Variants in KCNQ1 observed in about 807,000 individuals in gnomAD.
KCNQ1 encodes the protein potassium voltage-gated channel subfamily Q member 1, also known as potassium voltage-gated channel subfamily KQT member 1.
Under a neutral mutation model 72.4 loss-of-function variants are expected in KCNQ1, and 49 were observed. The observed-to-expected ratio is 0.68, with a 90% CI of 0.54 to 0.86. The LOEUF (loss-of-function observed/expected upper bound fraction) is 0.86, where lower values mean the gene tolerates loss of function less well. Among genes scored for constraint, KCNQ1 ranks in the 40% least tolerant of loss-of-function variants. The pLI, the probability that KCNQ1 is intolerant of heterozygous loss-of-function variation, is 0.00. For synonymous variants in KCNQ1, 450 were observed against 412.6 expected (o/e 1.09, Z -1.10); for missense variants, 790 against 945.1 (o/e 0.84, Z 2.15).
At chr11:2,578,753 C>T (rs74496485) in intron 6 of KCNQ1, among the ~76,000 whole-genome samples, 5,704 of 152,356 alleles carry the variant, frequency 0.037, 137 homozygotes, top group African/African-American at 0.041. Context: ...TGCCTCCTCA[C>T]GGGCAGGCTG....
chr11:2,834,717 G>C lies in KCNQ1; in HGVS notation c.1795-13050G>C, dbSNP rs114006595. Among the ~76,000 whole-genome samples, 845 of 152,332 alleles carry C rather than the reference G, an allele frequency of 5.5e-3. 9 individuals are homozygous for C. The highest frequency in any genetic ancestry group is 0.019 in the African/African-American group (803 of 41,580). The stretch of plus-strand genomic sequence containing the variant: ...CTTGGAAGGGTGTCCTTATGTCTGA[G>C]AGTTGGGGAGACACCCCCAAGCCCC... On this transcript the variant is annotated intron_variant, in intron 15 of 15. Transcript: ENST00000155840.
chr11:2,582,105 T>C (rs1158300594), intron 6 of KCNQ1, among the ~76,000 whole-genome samples: 1 of 152,220 alleles, frequency 6.6e-6, no homozygotes, highest in African/African-American at 2.4e-5. Context: ...TCACTGTTCG[T>C]TAACGTGCTC....
At chr11:2,583,316 G>C (rs988505184) in intron 6 of KCNQ1, 119 bp from the exon 7 acceptor site, 1 of 771,316 alleles carries the variant, frequency 1.3e-6, no homozygotes, top group Admixed American at 1.8e-5. Flanking sequence ...GGGTCGTCCT[G>C]GTGGTCAGGG....
chr11:2,453,073 A>G (rs185049827), intron 1 of KCNQ1, among the ~76,000 whole-genome samples: 16 of 152,370 alleles, frequency 1.1e-4, no homozygotes, highest in Admixed American at 5.9e-4. Flanking sequence ...GTTTGACCAC[A>G]TAAGAAAGAA....
At position 2,585,208 on chromosome 11, in the gene KCNQ1, C is replaced by T. The variant is rs543599445; in HGVS notation, c.1033-4C>T. On this transcript the variant is annotated splice_polypyrimidine_tract_variant and splice_region_variant and intron_variant, in intron 7 of 15. Transcript: ENST00000155840. Reference sequence around the variant, plus strand: ...ACGGGAGCCTCCTGTCCATTCCTTCCCAGGGGATTCTTGGCTCGGGGTTTG... The same window carrying T: ...ACGGGAGCCTCCTGTCCATTCCTTCTCAGGGGATTCTTGGCTCGGGGTTTG... 37 of 1,613,820 alleles carry T rather than the reference C, an allele frequency of 2.3e-5. No individual in the cohort carries two copies. Among genetic ancestry groups the T allele is most frequent in the Middle Eastern group, 1.7e-4 (1 of 6,060 alleles).
intron 8 of KCNQ1, among the ~76,000 whole-genome samples, chr11:2,586,745 G>A (rs758874832): frequency 3.3e-5 from 5 of 152,088 alleles, no homozygotes; most frequent in East Asian, 3.9e-4. Context: ...GGTGCCCCTC[G>A]CCAGCTGCTG....
chr11:2,527,837 G>T, intron 1 of KCNQ1, 91 bp from the exon 2 acceptor site: 1 of 1,062,994 alleles, frequency 9.4e-7, no homozygotes, highest in Non-Finnish European at 1.5e-6. Context: ...ACCTGGGGGC[G>T]GGGCTGAGGC....
rs2133750801 is a variant in KCNQ1 at position 2,583,488 on chromosome 11, G to A, written c.975G>A (p.Gly325=). 2.5e-6 allele frequency: 4 copies of A among 1,614,102 alleles called. No individual in the cohort carries two copies. Among genetic ancestry groups the A allele is most frequent in the Non-Finnish European group, 2.5e-6 (3 of 1,180,006 alleles). Residue 325 remains glycine (G), a synonymous_variant, in exon 7 of 16, where the codon GGG becomes GGA. Transcript: ENST00000155840. ...ACAAGGTGCCCCAGACGTGGGTCGGGAAGACCATCGCCTCCTGCTTCTCTG... is the reference window on the plus strand; with the variant it reads ...ACAAGGTGCCCCAGACGTGGGTCGGAAAGACCATCGCCTCCTGCTTCTCTG... ...YGDKVPQTWV[G]KTIASCFSVF...
At chr11:2,557,572 G>C (rs1848090919) in intron 2 of KCNQ1, among the ~76,000 whole-genome samples, 1 of 152,236 alleles carries the variant, frequency 6.6e-6, no homozygotes, top group Non-Finnish European at 1.5e-5. Flanking sequence ...GTCTGGCAGG[G>C]CTCAGTGGGA....
At chr11:2,702,423 C>G (rs940300148) in intron 11 of KCNQ1, among the ~76,000 whole-genome samples, 2 of 152,184 alleles carry the variant, frequency 1.3e-5, no homozygotes, top group Non-Finnish European at 2.9e-5. Flanking sequence ...AAATCAATTT[C>G]ACTTAAAATG....
At chr11:2,517,885 G>C (rs58672447) in intron 1 of KCNQ1, among the ~76,000 whole-genome samples, 1 of 152,212 alleles carries the variant, frequency 6.6e-6, no homozygotes, top group Non-Finnish European at 1.5e-5. Context: ...GCGGAACGCT[G>C]CCTCAGTACC....
chr11:2,630,149 T>C (rs1052799839), intron 10 of KCNQ1: 4 of 398,284 alleles, frequency 1.0e-5, no homozygotes, highest in African/African-American at 8.2e-5. Flanking sequence ...TTATGTGAAC[T>C]GCATTATTTG....
rs1176911959 is a variant in KCNQ1, at chr11:2,550,996, G to A, written c.478-19632G>A. On this transcript the variant is annotated intron_variant, in intron 2 of 15. Coordinates refer to ENST00000155840, the MANE Select transcript of KCNQ1 (RefSeq NM_000218.3). This position sits in a 1 kb window ranked among gnomAD's most constrained non-coding sequence, Gnocchi z 6.0. ...GGGGAGGCTGTGCTGAGCTCAGTGG[G>A]CTTGGTGGGGTCATAGCTGCCTCTC... 6.6e-6 allele frequency among the ~76,000 whole-genome samples: 1 copy of A among 152,136 alleles called. No individual in the cohort carries two copies. The highest frequency in any genetic ancestry group is 1.9e-4 in the East Asian group (1 of 5,198).
In KCNQ1 at chr11:2,515,546, C is replaced by G. The variant is rs1411929332; in HGVS notation, c.387-12382C>G. 6.6e-6 allele frequency among the ~76,000 whole-genome samples: 1 copy of G among 152,138 alleles called. No individual in the cohort carries two copies. The highest frequency in any genetic ancestry group is 2.4e-5 in the African/African-American group (1 of 41,428). ...GGGTGAGGGGACAAGGCTGCTGGGA[C>G]CAGGCCTCGCCCAGGCAGAGCCTCG... is the stretch of plus-strand genomic sequence containing the variant. On this transcript the variant is annotated intron_variant, in intron 1 of 15. Transcript: ENST00000155840. The surrounding 1 kb of genome is among the most constrained non-coding windows in gnomAD (Gnocchi z 4.7).
rs768606511 is a variant in KCNQ1 at position 2,734,409 on chromosome 11, G to A, written c.1515-34435G>A. Among the ~76,000 whole-genome samples the A allele has an allele frequency of 6.4e-4, 98 of 152,248 alleles. No individual in the cohort carries two copies. The highest frequency in any genetic ancestry group is 1.2e-3 in the Non-Finnish European group (83 of 68,038). On this transcript the variant is annotated intron_variant, in intron 11 of 15. Transcript: ENST00000155840. This position sits in a 1 kb window ranked among gnomAD's most constrained non-coding sequence, Gnocchi z 7.0. ...GAAGCTTCACAGCCCCCCGGCCACC[G>A]CAGGTCGGGGGAGCACTGTCCCCGG...
chr11:2,560,643 C>T (rs959322965), intron 2 of KCNQ1, among the ~76,000 whole-genome samples: 1 of 152,024 alleles, frequency 6.6e-6, no homozygotes, highest in Non-Finnish European at 1.5e-5. Flanking sequence ...CCTCAGCCTC[C>T]CCTTCCACAC....
intron 15 of KCNQ1, among the ~76,000 whole-genome samples, chr11:2,842,938 C>T (rs974689747): frequency 1.2e-4 from 19 of 152,246 alleles, no homozygotes; most frequent in Non-Finnish European, 1.8e-4. Context: ...AGCAAAGTGA[C>T]TTGCCCAAGG....
intron 7 of KCNQ1, among the ~76,000 whole-genome samples, chr11:2,584,461 ATGTTAGTGTATGTTAG>A (rs1848556971): frequency 1.4e-5 from 2 of 138,906 alleles, no homozygotes. Flanking sequence ...TTGTGTGTGT[ATGTTAGTGTATGTTAG>A]TGTTAGTGTG....
chr11:2,822,231 C>T (rs1401040343), intron 15 of KCNQ1, among the ~76,000 whole-genome samples: 4 of 152,140 alleles, frequency 2.6e-5, no homozygotes, highest in South Asian at 2.1e-4. Context: ...CTTGTTAGCC[C>T]GGTGAGACTC....
Sources: gnomAD v4.1 joint callset for allele counts (sites outside exome capture counted in the v4.1 genomes callset) on GRCh38, gnomAD v4.1.1 for gene constraint, Gnocchi (gnomAD v3.1) non-coding constraint, MANE v1.5 for transcripts, NCBI Gene and HGNC (gene_info 2026-07-23, HGNC 2026-07-21) for gene names.